TRAPPC12: variants seen among roughly 807,000 people sequenced by gnomAD.
TRAPPC12 encodes the protein TPR repeat protein 15.
A neutral mutation model predicts 69.2 loss-of-function variants in TRAPPC12; 61 were observed. The observed-to-expected ratio is 0.88, with a 90% CI of 0.72 to 1.09. The LOEUF (loss-of-function observed/expected upper bound fraction) is 1.09. Ranked by LOEUF, TRAPPC12 falls within the 50% of genes least tolerant of loss-of-function variation. The pLI, the probability that TRAPPC12 is intolerant of heterozygous loss-of-function variation, is 0.00. For missense variants in TRAPPC12, 1,101 were observed against 1,016.4 expected (o/e 1.08, Z -1.13); for synonymous variants, 469 against 438.9 (o/e 1.07, Z -0.86).
chr2:3,433,655 A>G (rs553605396), intron 5 of TRAPPC12, among the ~76,000 whole-genome samples: 2 of 152,274 alleles, frequency 1.3e-5, no homozygotes, highest in East Asian at 3.9e-4. Context: ...TTCCTGGCAC[A>G]TTTCTCTTTT....
intron 3 of TRAPPC12, among the ~76,000 whole-genome samples, chr2:3,403,948 G>A (rs1166953080): frequency 6.6e-6 from 1 of 152,310 alleles, no homozygotes; most frequent in South Asian, 2.1e-4. Flanking sequence ...TTTAACAGGA[G>A]CATTTAACAA....
intron 8 of TRAPPC12, chr2:3,462,780 C>G (rs989679781): frequency 7.4e-6 from 3 of 404,836 alleles, no homozygotes; most frequent in African/African-American, 4.1e-5. Context: ...GATGCAGGTG[C>G]CTGCCACCTT....
chr2:3,457,867 T>C (rs935311176), intron 7 of TRAPPC12, 174 bp downstream of exon 7: 2 of 1,439,980 alleles, frequency 1.4e-6, no homozygotes. Flanking sequence ...CATCACTGGG[T>C]GATGCTGTGG....
intron 3 of TRAPPC12, among the ~76,000 whole-genome samples, chr2:3,419,751 G>A (rs781138475): frequency 1.3e-5 from 2 of 152,210 alleles, no homozygotes; most frequent in African/African-American, 4.8e-5. Flanking sequence ...AGTACTCACC[G>A]TCAGGCTGTG....
At chr2:3,410,981 G>A (rs536777825) in intron 3 of TRAPPC12, among the ~76,000 whole-genome samples, 1 of 152,320 alleles carries the variant, frequency 6.6e-6, no homozygotes, top group East Asian at 1.9e-4. Context: ...AGTGAGCCAA[G>A]ATCACGCCAC....
Position 3,460,317 on chromosome 2 carries a change from A to G in TRAPPC12, c.1658A>G (p.Asn553Ser). ...GGCCGGGTGATGTACTCCATGGCAA[A>G]CTGTCTGCTCCTGATGAAGGTACGT... Reference protein sequence around the residue: ...RLGRVMYSMANCLLLMKDYVL... With the variant: ...RLGRVMYSMASCLLLMKDYVL... The change falls in exon 8 of 12, where the codon AAC becomes AGC. Residue 553 changes from asparagine to serine, a missense_variant. Physicochemically the swap from Asn to Ser is conservative, Grantham distance 46. Transcript: ENST00000324266. 1.1e-6 allele frequency: 1 copy of G among 873,822 alleles called. No homozygotes were observed. The highest frequency in any genetic ancestry group is 2.0e-6 in the Non-Finnish European group (1 of 502,520). 54.1% of individuals were successfully genotyped at this position (873,822 alleles called of 1,614,324 possible).
At chr2:3,392,667 C>T (rs1198380834) in intron 2 of TRAPPC12, among the ~76,000 whole-genome samples, 1 of 152,124 alleles carries the variant, frequency 6.6e-6, no homozygotes, top group African/African-American at 2.4e-5. Flanking sequence ...TGGCTGTTAA[C>T]CGAAAACTCT....
intron 10 of TRAPPC12, among the ~76,000 whole-genome samples, chr2:3,478,406 G>A (rs904635913): frequency 2.0e-5 from 3 of 152,228 alleles, no homozygotes; most frequent in Non-Finnish European, 4.4e-5. Context: ...GCTGAGGCAC[G>A]TAGATCACTT....
chr2:3,383,525 AG>A (rs1220279891), intron 1 of TRAPPC12, among the ~76,000 whole-genome samples: 8 of 150,638 alleles, frequency 5.3e-5, no homozygotes, highest in African/African-American at 1.7e-4. Flanking sequence ...CAGCCTCCCG[AG>A]TAGCAGAGTA....
intron 8 of TRAPPC12, among the ~76,000 whole-genome samples, chr2:3,463,648 C>T (rs1026967830): frequency 2.0e-5 from 3 of 151,506 alleles, no homozygotes; most frequent in South Asian, 2.1e-4. Context: ...GCCACGGCAT[C>T]GCCCACTAGC....
intron 1 of TRAPPC12, among the ~76,000 whole-genome samples, chr2:3,383,460 T>C (rs1203271180): frequency 1.4e-5 from 2 of 141,126 alleles, no homozygotes; most frequent in African/African-American, 2.6e-5. Context: ...ATGTCGTGCC[T>C]CAATCTTGGC....
At chr2:3,412,557 G>A (rs372699454) in intron 3 of TRAPPC12, among the ~76,000 whole-genome samples, 1 of 152,146 alleles carries the variant, frequency 6.6e-6, no homozygotes, top group Non-Finnish European at 1.5e-5. Context: ...GCAAAACTCC[G>A]TCTCAAAAAA....
At position 3,388,301 on chromosome 2, in the gene TRAPPC12, C is replaced by T. The variant is rs189855582; in HGVS notation, c.678C>T (p.Ser226=). The T allele has an allele frequency of 1.9e-6, 3 of 1,607,256 alleles. No individual in the cohort carries two copies. Among genetic ancestry groups the T allele is most frequent in the African/African-American group, 2.7e-5 (2 of 73,874 alleles). Residue 226 remains serine, a synonymous_variant, in exon 2 of 12, where the codon TCC becomes TCT. Transcript: ENST00000324266. ...SHSLASDFFD[S]FTTSAFISVS... ...CCTTGGCCTCGGACTTCTTCGACTC[C>T]TTTACTACCTCCGCCTTCATTTCCG...
At chr2:3,448,324 T>G (rs1664629521) in intron 6 of TRAPPC12, among the ~76,000 whole-genome samples, 1 of 152,182 alleles carries the variant, frequency 6.6e-6, no homozygotes, top group African/African-American at 2.4e-5. Flanking sequence ...GGTTTTTTCC[T>G]CCAAATACAG....
rs1239857705 is a variant in TRAPPC12, at chr2:3,387,653, C to G, written c.30C>G (p.Thr10=). The G allele has an allele frequency of 1.3e-6, 2 of 1,547,386 alleles. No homozygotes were observed. Among genetic ancestry groups the G allele is most frequent in the South Asian group, 2.4e-5 (2 of 83,896 alleles). ...AGGACGCTGGCGGCGGCGAGGAGAC[C>G]CCGGCCCCGGAGGCCCCGCACCCCC... MEDAGGGEE[T]PAPEAPHPPQ... is the part of the protein sequence containing the mutation. The change falls in exon 2 of 12, where the codon ACC becomes ACG. Residue 10 remains threonine, a synonymous_variant. Coordinates refer to ENST00000324266, the MANE Select transcript of TRAPPC12 (RefSeq NM_016030.6).
At chr2:3,425,724 A>G (rs1012518132) in intron 5 of TRAPPC12, among the ~76,000 whole-genome samples, 2 of 152,236 alleles carry the variant, frequency 1.3e-5, no homozygotes, top group Non-Finnish European at 2.9e-5. Flanking sequence ...CCTAGTTGTC[A>G]GGAAATGCAG....
chr2:3,450,511 T>A (rs1256302035), intron 6 of TRAPPC12, among the ~76,000 whole-genome samples: 1 of 152,184 alleles, frequency 6.6e-6, no homozygotes, highest in Non-Finnish European at 1.5e-5. Context: ...CGCTTCGGCC[T>A]TCTTTGTGCA....
rs544680214 is a variant in TRAPPC12, at chr2:3,414,159, G to T, written c.1165-7722G>T. On this transcript the variant is annotated intron_variant, in intron 3 of 11. Coordinates refer to ENST00000324266, the MANE Select transcript of TRAPPC12 (RefSeq NM_016030.6). The surrounding 1 kb of genome is among the most constrained non-coding windows in gnomAD (Gnocchi z 4.9). Reference sequence around the variant, plus strand: ...TATCATAAATTTAAATGGTTTCAAAGGATATAATTAATTTTTAGCACATAG... The same window carrying T: ...TATCATAAATTTAAATGGTTTCAAATGATATAATTAATTTTTAGCACATAG... Among the ~76,000 whole-genome samples the T allele has an allele frequency of 1.3e-5, 2 of 152,208 alleles. No homozygotes were observed. Among genetic ancestry groups the T allele is most frequent in the South Asian group, 2.1e-4 (1 of 4,824 alleles).
chr2:3,427,447 A>G (rs1663172983), intron 5 of TRAPPC12, among the ~76,000 whole-genome samples: 1 of 152,226 alleles, frequency 6.6e-6, no homozygotes, highest in Non-Finnish European at 1.5e-5. Context: ...AGCTGCACCA[A>G]GTGCTCTGGT....
Sources: allele counts gnomAD v4.1 joint callset (sites outside exome capture counted in the v4.1 genomes callset), GRCh38; gene constraint gnomAD v4.1.1; non-coding constraint Gnocchi (gnomAD v3.1); transcripts MANE v1.5; gene names NCBI Gene and HGNC (gene_info 2026-07-23, HGNC 2026-07-21).